The following RPS6KA2 variants were observed in gnomAD, a reference collection of about 807,000 sequenced individuals.
The protein encoded by RPS6KA2 is ribosomal protein S6 kinase A2.
A neutral mutation model predicts 91.8 loss-of-function variants in RPS6KA2; 42 were observed. The observed-to-expected ratio is 0.46, with a 90% CI of 0.36 to 0.59. The LOEUF is 0.59. RPS6KA2 is among the 20% of genes least tolerant of loss of function. The pLI is 0.00. For synonymous variants in RPS6KA2, 414 were observed against 393.6 expected, an observed-to-expected ratio of 1.05 and a Z score of -0.61; for missense variants, 798 against 978.5, an observed-to-expected ratio of 0.82 and a Z score of 2.46.
rs76905932 is a variant in RPS6KA2, at chr6:166,601,594, A to G, written c.99+25327T>C. 4.9e-3 allele frequency among the ~76,000 whole-genome samples: 752 copies of G among 152,274 alleles called. 6 individuals carry two copies. The highest frequency in any genetic ancestry group is 0.017 in the African/African-American group (712 of 41,546). ...CATGAAACAGAATAGAGCCAGAAATACTCCATCCTTATAGGGAATTGTGTG... is the reference window on the plus strand; with the variant it reads ...CATGAAACAGAATAGAGCCAGAAATGCTCCATCCTTATAGGGAATTGTGTG... On this transcript the variant is annotated intron_variant, in intron 1 of 20. Transcript: ENST00000265678.
chr6:166,706,971 G>T (rs545588248), intron 2 of RPS6KA2, among the ~76,000 whole-genome samples: 1 of 152,100 alleles, frequency 6.6e-6, no homozygotes, highest in Admixed American at 6.5e-5. Context: ...TTGGTGGAAG[G>T]GTGACAGCCA....
chr6:166,623,000 GATAA>G (rs1445521965), intron 1 of RPS6KA2, among the ~76,000 whole-genome samples: 2 of 152,330 alleles, frequency 1.3e-5, no homozygotes, highest in Admixed American at 1.3e-4. Flanking sequence ...TGAGCAAATA[GATAA>G]ATAAAACGAA....
chr6:166,767,157 G>T lies in RPS6KA2; in HGVS notation c.123+91043C>A, dbSNP rs773181606. ...CATGGAATTTTTGTCTCTGAAAACA[G>T]ACTGAAGAACCAGACTTTTGTATTT... On this transcript the variant is annotated intron_variant, in intron 2 of 21. Transcript: ENST00000503859. The surrounding 1 kb of genome is among the most constrained non-coding windows in gnomAD (Gnocchi z 4.6). Among the ~76,000 whole-genome samples the T allele has an allele frequency of 1.2e-4, 19 of 152,202 alleles. No homozygotes were observed. The highest frequency in any genetic ancestry group is 4.4e-5 in the Non-Finnish European group (3 of 68,036).
chr6:166,486,096 G>C (rs114490695), intron 10 of RPS6KA2, among the ~76,000 whole-genome samples: 1 of 152,190 alleles, frequency 6.6e-6, no homozygotes, highest in Non-Finnish European at 1.5e-5. Context: ...GGCTAACGAC[G>C]ACCGTCACCA....
chr6:166,721,474 G>T (rs1034952968), intron 2 of RPS6KA2, among the ~76,000 whole-genome samples: 1 of 152,206 alleles, frequency 6.6e-6, no homozygotes. Flanking sequence ...TTACCAGATG[G>T]TGCCTAGTAA....
chr6:166,493,921 A>C lies in RPS6KA2; in HGVS notation c.748-3180T>G, dbSNP rs2235275. On this transcript the variant is annotated intron_variant, in intron 8 of 20. Transcript: ENST00000265678. This position sits in a 1 kb window ranked among gnomAD's most constrained non-coding sequence, Gnocchi z 4.7. ...AGGGACAGCTAAGGAACCTGGAAAG[A>C]GTGGCGGCCCCGGCACAGGCAGGAT... 0.43 allele frequency among the ~76,000 whole-genome samples: 65,749 copies of C among 152,104 alleles called. 14,577 individuals are homozygous for C. The highest frequency in any genetic ancestry group is 0.61 in the East Asian group (3,153 of 5,166).
chr6:166,812,212 C>T lies in RPS6KA2; in HGVS notation c.123+45988G>A, dbSNP rs149382935. 5.2e-3 allele frequency among the ~76,000 whole-genome samples: 799 copies of T among 152,198 alleles called. 13 individuals are homozygous for T. The highest frequency in any genetic ancestry group is 0.018 in the African/African-American group (764 of 41,520). On this transcript the variant is annotated intron_variant, in intron 2 of 21. Transcript: ENST00000503859. ...CTCTACTAAAAATAAAAAAATTAGC[C>T]GGGAATGGTGGTGGGCACCTGTAAT...
chr6:166,496,759 G>A (rs374405920), intron 8 of RPS6KA2, among the ~76,000 whole-genome samples: 146 of 152,344 alleles, frequency 9.6e-4, no homozygotes, highest in African/African-American at 3.4e-3. Flanking sequence ...GCCCTTTCAG[G>A]GAGCCTGGAT....
At chr6:166,814,323 G>C (rs1779709605) in intron 2 of RPS6KA2, among the ~76,000 whole-genome samples, 1 of 152,170 alleles carries the variant, frequency 6.6e-6, no homozygotes, top group Non-Finnish European at 1.5e-5. Flanking sequence ...GCATAGTAAA[G>C]CAATGATTCA....
At chr6:166,452,345 T>C (rs1163473903) in intron 12 of RPS6KA2, among the ~76,000 whole-genome samples, 1 of 152,062 alleles carries the variant, frequency 6.6e-6, no homozygotes, top group Non-Finnish European at 1.5e-5. Flanking sequence ...TGGAAAAACA[T>C]CACATGCTCA....
chr6:166,470,948 C>CA (rs996810065), intron 10 of RPS6KA2, among the ~76,000 whole-genome samples: 9 of 152,190 alleles, frequency 5.9e-5, no homozygotes. Flanking sequence ...GTCACGAATC[C>CA]GAGAAGAGGC....
chr6:166,777,423 G>C (rs75683362), intron 2 of RPS6KA2, among the ~76,000 whole-genome samples: 1,680 of 152,238 alleles, frequency 0.011, 29 homozygotes, highest in African/African-American at 0.035. Context: ...TGAGCCACGG[G>C]GAAAGCACAG....
At position 166,433,541 on chromosome 6, in the gene RPS6KA2, A is replaced by G. The variant is rs889231443; in HGVS notation, c.1333-1051T>C. ...TCATGGGAAATTGGCAACATGCAACATGTATTTTGCAAACAACACTCAGAG... is the reference window on the plus strand; with the variant it reads ...TCATGGGAAATTGGCAACATGCAACGTGTATTTTGCAAACAACACTCAGAG... On this transcript the variant is annotated intron_variant, in intron 14 of 20. Transcript: ENST00000265678. This position sits in a 1 kb window ranked among gnomAD's most constrained non-coding sequence, Gnocchi z 4.4. Among the ~76,000 whole-genome samples the G allele has an allele frequency of 1.3e-5, 2 of 152,344 alleles. No individual in the cohort carries two copies. The highest frequency in any genetic ancestry group is 2.9e-5 in the Non-Finnish European group (2 of 68,032).
chr6:166,723,134 C>T (rs758416610), intron 2 of RPS6KA2, among the ~76,000 whole-genome samples: 3 of 152,224 alleles, frequency 2.0e-5, no homozygotes, highest in Non-Finnish European at 4.4e-5. Flanking sequence ...TAAATGGACC[C>T]CCGCCTGGTG....
At chr6:166,762,468 T>C (rs1472574657) in intron 2 of RPS6KA2, among the ~76,000 whole-genome samples, 1 of 152,206 alleles carries the variant, frequency 6.6e-6, no homozygotes, top group African/African-American at 2.4e-5. Flanking sequence ...GCGTAGTCCC[T>C]GGCACATGGA....
At chr6:166,621,656 T>A (rs760164131) in intron 1 of RPS6KA2, among the ~76,000 whole-genome samples, 1 of 152,178 alleles carries the variant, frequency 6.6e-6, no homozygotes, top group Non-Finnish European at 1.5e-5. Context: ...TCTGCTTATT[T>A]AATAAGCACA....
chr6:166,526,886 TAC>T (rs1783066261), intron 3 of RPS6KA2, among the ~76,000 whole-genome samples: 1 of 152,244 alleles, frequency 6.6e-6, no homozygotes, highest in Non-Finnish European at 1.5e-5. Context: ...TACACACAAA[TAC>T]ACACACCTCA....
At chr6:166,413,172 C>A (rs1051863426) in intron 20 of RPS6KA2, among the ~76,000 whole-genome samples, 3 of 152,090 alleles carry the variant, frequency 2.0e-5, no homozygotes, top group Non-Finnish European at 2.9e-5. Flanking sequence ...CTTGTGGAGC[C>A]CCCAGGCTGA....
chr6:166,489,808 CA>C (rs1781529094), intron 9 of RPS6KA2, among the ~76,000 whole-genome samples: 1 of 152,094 alleles, frequency 6.6e-6, no homozygotes, highest in South Asian at 2.1e-4. Context: ...ACCGAGCTTA[CA>C]AAAGCTGAGC....
Sources: allele counts gnomAD v4.1 joint callset (sites outside exome capture counted in the v4.1 genomes callset), GRCh38; gene constraint gnomAD v4.1.1; non-coding constraint Gnocchi (gnomAD v3.1); transcripts MANE v1.5; gene names NCBI Gene and HGNC (gene_info 2026-07-23, HGNC 2026-07-21).